KLHDC1: variants seen among roughly 807,000 people sequenced by gnomAD.
KLHDC1 encodes kelch domain containing 1, also known as kelch domain-containing protein 1.
Under a neutral mutation model 68.3 loss-of-function variants are expected in KLHDC1, and 53 were observed. The ratio of observed to expected loss-of-function variants is 0.78; its 90% CI spans 0.62 to 0.98. The LOEUF is 0.98. Among genes scored for constraint, KLHDC1 ranks in the 50% least tolerant of loss-of-function variants. KLHDC1 has a pLI of 0.00. For synonymous variants in KLHDC1, 148 were observed against 159.0 expected (o/e 0.93, Z 0.52); for missense variants, 470 against 492.3 (o/e 0.95, Z 0.43).
rs1038144920 is a variant in KLHDC1, at chr14:49,725,696, T to C, written c.494T>C (p.Ile165Thr). 3.3e-6 allele frequency: 5 copies of C among 1,533,320 alleles called. 1 individual carries two copies. Among genetic ancestry groups the C allele is most frequent in the Non-Finnish European group, 4.5e-6 (5 of 1,122,290 alleles). 95.0% of individuals were successfully genotyped at this position (1,533,320 alleles called of 1,614,324 possible). A position where few individuals can be genotyped will look rare whatever the true frequency, so the allele number is the denominator to read the frequency against. ...ACATTTCTCTTTTAGGAAGAGCAGA[T>C]ATTCTGGGGATGGCATAATGATGTC... ...DVHDASWEEQIFWGWHNDVHI... is the reference protein window; with the variant it reads ...DVHDASWEEQTFWGWHNDVHI... Residue 165 changes from isoleucine (I) to threonine (T), a missense_variant, in exon 6 of 13, where the codon ATA becomes ACA. Transcript: ENST00000359332.
At chr14:49,747,504 A>G (rs1338880495) in intron 12 of KLHDC1, among the ~76,000 whole-genome samples, 2 of 152,204 alleles carry the variant, frequency 1.3e-5, no homozygotes, top group African/African-American at 4.8e-5. Flanking sequence ...TAGCAAACAG[A>G]TTTTTAAATT....
chr14:49,727,442 G>A (rs576319985), intron 6 of KLHDC1, among the ~76,000 whole-genome samples: 5 of 152,070 alleles, frequency 3.3e-5, no homozygotes, highest in Admixed American at 1.3e-4. Context: ...TAAGCAGGTC[G>A]TATATGCACA....
At chr14:49,703,790 A>G (rs1217423357) in intron 1 of KLHDC1, among the ~76,000 whole-genome samples, 1 of 152,206 alleles carries the variant, frequency 6.6e-6, no homozygotes, top group Admixed American at 6.5e-5. Context: ...CATCATCTCT[A>G]GATCCATTCA....
rs534526292 is a variant in KLHDC1, at chr14:49,726,712, A to T, written c.567+943A>T. ...ATGAATTCTCACATAGCTGGAAATC[A>T]TATTGGAATGGCACACAAAGTAGAA... On this transcript the variant is annotated intron_variant, in intron 6 of 12. Transcript: ENST00000359332. Among the ~76,000 whole-genome samples, 38 of 152,220 alleles carry T rather than the reference A, an allele frequency of 2.5e-4. 1 individual carries two copies. Among genetic ancestry groups the T allele is most frequent in the South Asian group, 6.2e-4 (3 of 4,828 alleles).
chr14:49,707,646 C>CA (rs1888091145), intron 1 of KLHDC1: 1 of 90,952 alleles, frequency 1.1e-5, no homozygotes, highest in Admixed American at 1.5e-4. Flanking sequence ...ACACCTGGCC[C>CA]TTTTTTTTTT....
intron 11 of KLHDC1, among the ~76,000 whole-genome samples, chr14:49,740,465 G>T (rs1033782213): frequency 6.6e-6 from 1 of 152,104 alleles, no homozygotes; most frequent in African/African-American, 2.4e-5. Context: ...AGCCTCCCGA[G>T]TAGCTGGGAC....
rs757997987 is a variant in KLHDC1 at position 49,732,684 on chromosome 14, T to C, written c.711-20T>C. ...TTTGATTAATATAGTACCTAGACTT[T>C]CTTTTTCTCCTTGCCACAGGATTAC... On this transcript the variant is annotated intron_variant, in intron 8 of 12. Coordinates refer to ENST00000359332, the MANE Select transcript of KLHDC1 (RefSeq NM_172193.3). 4 of 1,255,828 alleles carry C rather than the reference T, an allele frequency of 3.2e-6. No homozygotes were observed. The Admixed American group carries it at 7.2e-5, about 23-fold the overall frequency. 77.8% of individuals were successfully genotyped at this position (1,255,828 alleles called of 1,614,324 possible).
At chr14:49,741,120 T>C (rs1467887238) in intron 11 of KLHDC1, among the ~76,000 whole-genome samples, 1 of 151,962 alleles carries the variant, frequency 6.6e-6, no homozygotes, top group Non-Finnish European at 1.5e-5. Context: ...TTATCTAATA[T>C]TTGATACATA....
rs1451048062 is a variant in KLHDC1 at position 49,751,632 on chromosome 14, C to T, written c.1081C>T (p.Gln361Ter). Residue 361 changes from glutamine (Q) to a stop codon, truncating the protein, a stop_gained, in exon 13 of 13, where the codon CAG becomes TAG. Coordinates refer to ENST00000359332, the MANE Select transcript of KLHDC1 (RefSeq NM_172193.3). LOFTEE classifies it high-confidence loss of function. ...IGKNSIMLESQISLLPPKLLQ... is the reference protein window; with the variant it reads ...IGKNSIMLES ...TAAAAATTCTATCATGTTAGAAAGT[C>T]AGATATCTTTATTACCTCCTAAACT... 5.7e-6 allele frequency: 9 copies of T among 1,589,830 alleles called. No homozygotes were observed. Among genetic ancestry groups the T allele is most frequent in the Non-Finnish European group, 7.7e-6 (9 of 1,166,800 alleles).
intron 4 of KLHDC1, among the ~76,000 whole-genome samples, chr14:49,718,746 T>G (rs1254812915): frequency 6.7e-6 from 1 of 150,248 alleles, no homozygotes; most frequent in Non-Finnish European, 1.5e-5. Context: ...GTTTTGTTGT[T>G]TTTCTTTTTC....
At chr14:49,696,902 T>TA (rs760711880) in intron 1 of KLHDC1, among the ~76,000 whole-genome samples, 4 of 151,926 alleles carry the variant, frequency 2.6e-5, no homozygotes, top group Admixed American at 1.3e-4. Flanking sequence ...CTTGAACACT[T>TA]AGAGTCCATT....
Position 49,721,075 on chromosome 14 carries a change from C to G in KLHDC1, c.405-2799C>G, listed in dbSNP as rs369409720. ...TCCTCATCATAGTTTTTTTAAAGGCCCTGTCTGATAATTCCATTGTCTAGA... is the reference window on the plus strand; with the variant it reads ...TCCTCATCATAGTTTTTTTAAAGGCGCTGTCTGATAATTCCATTGTCTAGA... On this transcript the variant is annotated intron_variant, in intron 4 of 12. Transcript: ENST00000359332. Among the ~76,000 whole-genome samples, 14 of 151,960 alleles carry G rather than the reference C, an allele frequency of 9.2e-5. 1 individual carries two copies. The South Asian group carries it at 2.9e-3, about 32-fold the overall frequency.
At chr14:49,698,064 G>T (rs1887793482) in intron 1 of KLHDC1, among the ~76,000 whole-genome samples, 2 of 152,176 alleles carry the variant, frequency 1.3e-5, no homozygotes, top group Admixed American at 6.5e-5. Flanking sequence ...ATATGCACAA[G>T]AAATAAATTT....
Position 49,732,825 on chromosome 14 carries a change from A to G in KLHDC1, c.823+9A>G. ...AGATAATATCCCATTAAGTAAGTTG[A>G]TTAAGGTTTAGCCTATAATTATTAT... On this transcript the variant is annotated intron_variant, in intron 9 of 12. Coordinates refer to ENST00000359332, the MANE Select transcript of KLHDC1 (RefSeq NM_172193.3). 1 of 1,249,332 alleles carries G rather than the reference A, an allele frequency of 8.0e-7. No individual in the cohort carries two copies. Among genetic ancestry groups the G allele is most frequent in the Non-Finnish European group, 1.2e-6 (1 of 852,206 alleles). 77.4% of individuals were successfully genotyped at this position (1,249,332 alleles called of 1,614,324 possible). A position where few individuals can be genotyped will look rare whatever the true frequency, so the allele number is the denominator to read the frequency against.
chr14:49,713,842 A>ATT, intron 4 of KLHDC1, among the ~76,000 whole-genome samples: 1 of 28,492 alleles, frequency 3.5e-5, no homozygotes, highest in Non-Finnish European at 6.3e-5. Flanking sequence ...ATATATATAT[A>ATT]TATATATATT....
At chr14:49,696,824 A>G (rs1018406435) in intron 1 of KLHDC1, among the ~76,000 whole-genome samples, 6 of 117,950 alleles carry the variant, frequency 5.1e-5, no homozygotes, top group East Asian at 2.5e-4. Flanking sequence ...AGCTTTTGAC[A>G]TGCCTTTTTC....
chr14:49,699,399 G>T (rs1887837303), intron 1 of KLHDC1, among the ~76,000 whole-genome samples: 1 of 150,072 alleles, frequency 6.7e-6, no homozygotes, highest in South Asian at 2.1e-4. Flanking sequence ...CAAAAAAGAA[G>T]CCATATGGGT....
At chr14:49,726,488 C>T (rs957339972) in intron 6 of KLHDC1, among the ~76,000 whole-genome samples, 1 of 152,154 alleles carries the variant, frequency 6.6e-6, no homozygotes, top group African/African-American at 2.4e-5. Flanking sequence ...AATGAGGTGC[C>T]ATCGTCATTC....
intron 4 of KLHDC1, among the ~76,000 whole-genome samples, chr14:49,713,832 ATATATATATATATATATATT>A (rs1432793917): frequency 1.0e-3 from 2 of 1,960 alleles, no homozygotes; most frequent in African/African-American, 1.8e-3. Context: ...ATATATATAT[ATATATATATATATATATATT>A]TTTTTTTTTT....
Sources: allele counts gnomAD v4.1 joint callset (sites outside exome capture counted in the v4.1 genomes callset), GRCh38; gene constraint gnomAD v4.1.1; transcripts MANE v1.5; gene names NCBI Gene and HGNC (gene_info 2026-07-23, HGNC 2026-07-21).